The following TXNRD1 variants were observed in gnomAD, a reference collection of about 807,000 sequenced individuals.
The protein encoded by TXNRD1 is thioredoxin reductase 1, cytoplasmic.
Under a neutral mutation model 80.3 loss-of-function variants are expected in TXNRD1, and 57 were observed. The observed-to-expected ratio is 0.71, with a 90% CI of 0.57 to 0.89. The LOEUF (loss-of-function observed/expected upper bound fraction) is 0.89. Ranked by LOEUF, TXNRD1 falls within the 40% of genes least tolerant of loss-of-function variation. The pLI is 0.00. For synonymous variants in TXNRD1, 291 were observed against 285.2 expected, an observed-to-expected ratio of 1.02 and a Z score of -0.20; for missense variants, 730 against 803.0, an observed-to-expected ratio of 0.91 and a Z score of 1.10.
chr12:104,307,396 G>T (rs2034961900), intron 4 of TXNRD1, among the ~76,000 whole-genome samples: 1 of 152,180 alleles, frequency 6.6e-6, no homozygotes. Flanking sequence ...AGCACTTCTT[G>T]ACTTAGTTCC....
intron 14 of TXNRD1, among the ~76,000 whole-genome samples, chr12:104,333,396 G>A (rs1423210085): frequency 6.6e-6 from 1 of 152,152 alleles, no homozygotes; most frequent in African/African-American, 2.4e-5. Flanking sequence ...GTAAGGGAAA[G>A]AGGAAACAAT....
rs902673809 is a variant in TXNRD1 at position 104,349,177 on chromosome 12, T to C, written c.*756T>C. The stretch of plus-strand genomic sequence containing the variant: ...TGGTAGTATAGTATGATTCTCACCA[T>C]TATTTGTCATGGAGGCAGACATACA... On this transcript the variant is annotated 3_prime_UTR_variant, in exon 17 of 17. Transcript: ENST00000525566. 5 of 152,254 alleles carry C rather than the reference T, an allele frequency of 3.3e-5. No homozygotes were observed. The highest frequency in any genetic ancestry group is 1.2e-4 in the African/African-American group (5 of 41,472). The allele number at this position is 152,254 out of a possible 1,614,324, so 9.4% of individuals were successfully genotyped here. A position where few individuals can be genotyped will look rare whatever the true frequency, so the allele number is the denominator to read the frequency against.
At position 104,285,649 on chromosome 12, in the gene TXNRD1, T is replaced by C. The variant is rs566780269; in HGVS notation, c.305-3282T>C. On this transcript the variant is annotated intron_variant, in intron 3 of 16. Coordinates refer to ENST00000525566, the MANE Select transcript of TXNRD1 (RefSeq NM_001093771.3). ...TAAGTCATGCTTTTGAAATAAGGTG[T>C]ATTTTCAATATATTTCTAAGAATGA... Among the ~76,000 whole-genome samples, 17 of 152,360 alleles carry C rather than the reference T, an allele frequency of 1.1e-4. No individual in the cohort carries two copies. In the South Asian group the frequency reaches 3.3e-3, roughly 30 times the overall value.
chr12:104,254,017 T>G (rs2033186197), intron 2 of TXNRD1, among the ~76,000 whole-genome samples: 2 of 152,148 alleles, frequency 1.3e-5, no homozygotes, highest in African/African-American at 4.8e-5. Context: ...GTTCTGAAAT[T>G]ACGTGCTTGT....
chr12:104,255,692 C>T (rs1167699845), intron 2 of TXNRD1, among the ~76,000 whole-genome samples: 1 of 152,122 alleles, frequency 6.6e-6, no homozygotes, highest in African/African-American at 2.4e-5. Flanking sequence ...ACTAGGGAGG[C>T]TGAGGCAGGA....
chr12:104,271,304 G>C (rs1250098143), intron 3 of TXNRD1, among the ~76,000 whole-genome samples: 2 of 150,486 alleles, frequency 1.3e-5, no homozygotes, highest in Admixed American at 6.7e-5. Context: ...TCCTGCCTCA[G>C]CCTCCTGAGT....
In TXNRD1 at chr12:104,328,969, T is replaced by C. The variant is rs11111997; in HGVS notation, c.1542+1298T>C. The stretch of plus-strand genomic sequence containing the variant: ...ACATTAGTTGTAAAGAATTTTGGCA[T>C]TACCCATTTTCCTTACATTGGTTTC... On this transcript the variant is annotated intron_variant, in intron 13 of 16. Transcript: ENST00000525566. Among the ~76,000 whole-genome samples, 1,261 of 152,312 alleles carry C rather than the reference T, an allele frequency of 8.3e-3. 61 individuals carry two copies. In the East Asian group the frequency reaches 0.15, roughly 18 times the overall value.
chr12:104,245,183 A>AT (rs113947040), intron 1 of TXNRD1, among the ~76,000 whole-genome samples: 7,353 of 149,004 alleles, frequency 0.049, 474 homozygotes, highest in African/African-American at 0.15. Context: ...ATTATTTTAG[A>AT]TTTTTTTTTT....
chr12:104,248,162 T>C (rs1334597493), intron 1 of TXNRD1, among the ~76,000 whole-genome samples: 1 of 152,238 alleles, frequency 6.6e-6, no homozygotes, highest in Non-Finnish European at 1.5e-5. Context: ...GTTGCTTTAG[T>C]CCAATAGTTC....
At chr12:104,268,859 C>A (rs1453973747) in intron 3 of TXNRD1, among the ~76,000 whole-genome samples, 1 of 151,946 alleles carries the variant, frequency 6.6e-6, no homozygotes, top group Non-Finnish European at 1.5e-5. Flanking sequence ...TCCTCTCAAA[C>A]CCTGCCACTG....
Position 104,345,941 on chromosome 12 carries a change from A to AT in TXNRD1, c.1882-2406dup, listed in dbSNP as rs34090276. 1.6e-5 allele frequency: 21 copies of AT among 1,287,666 alleles called. No individual in the cohort carries two copies. The East Asian group carries it at 4.4e-4, about 27-fold the overall frequency. 79.8% of individuals were successfully genotyped at this position (1,287,666 alleles called of 1,614,324 possible). On this transcript the variant is annotated intron_variant, in intron 16 of 16. Transcript: ENST00000525566. ...GGCATGGAGGCTGCCCCTTCTGCTC[A>AT]TTTTTTAAAAATACATGTTTTTATA...
intron 1 of TXNRD1, among the ~76,000 whole-genome samples, chr12:104,233,059 T>G (rs1482169924): frequency 6.6e-6 from 1 of 152,174 alleles, no homozygotes; most frequent in Non-Finnish European, 1.5e-5. Flanking sequence ...CATTTCCAAA[T>G]AAGGAAGAGA....
intron 1 of TXNRD1, 133 bp from the exon 2 acceptor site, chr12:104,251,394 T>A: frequency 1.2e-6 from 1 of 859,058 alleles, no homozygotes; most frequent in Non-Finnish European, 1.8e-6. Flanking sequence ...ATTAGAGTCC[T>A]TCCTTCCTCA....
chr12:104,287,182 C>G, intron 3 of TXNRD1: 1 of 1,572,300 alleles, frequency 6.4e-7, no homozygotes, highest in Non-Finnish European at 8.6e-7. Flanking sequence ...GACGGCCTGC[C>G]GGCGGGGACG....
In TXNRD1 at chr12:104,287,076, G is replaced by A. The variant is rs990331066; in HGVS notation, c.305-1855G>A. The stretch of plus-strand genomic sequence containing the variant: ...AGCGAAAGGTGGTCGAGTCCTGAAG[G>A]AGGGCCTGATGTCTTCATCATTCTC... On this transcript the variant is annotated intron_variant, in intron 3 of 16. Transcript: ENST00000525566. The A allele has an allele frequency of 3.5e-6, 5 of 1,426,822 alleles. No homozygotes were observed. The East Asian group carries it at 7.6e-5, about 22-fold the overall frequency. 88.4% of individuals were successfully genotyped at this position (1,426,822 alleles called of 1,614,324 possible).
intron 16 of TXNRD1, among the ~76,000 whole-genome samples, chr12:104,339,744 C>T (rs2036260447): frequency 6.6e-6 from 1 of 152,182 alleles, no homozygotes; most frequent in Non-Finnish European, 1.5e-5. Flanking sequence ...TGTTTCTTCG[C>T]TACCAGTGAT....
chr12:104,334,505 C>T (rs1468411141), intron 15 of TXNRD1, among the ~76,000 whole-genome samples, 173 bp downstream of exon 15: 1 of 152,094 alleles, frequency 6.6e-6, no homozygotes, highest in Non-Finnish European at 1.5e-5. Context: ...GCCTCAGCCT[C>T]CCAACTAACT....
intron 7 of TXNRD1, among the ~76,000 whole-genome samples, chr12:104,317,245 CT>C (rs1360966764): frequency 6.6e-6 from 1 of 152,016 alleles, no homozygotes. Context: ...AGTCCTGAGC[CT>C]TTTGTAGTGG....
rs539925084 is a variant in TXNRD1 at position 104,267,916 on chromosome 12, C to A, written c.304+9837C>A. Among the ~76,000 whole-genome samples the A allele has an allele frequency of 5.4e-5, 8 of 148,856 alleles. No individual in the cohort carries two copies. The South Asian group carries it at 1.7e-3, about 32-fold the overall frequency. ...CCTGGCTGGAGTGCAATGGCGTAAT[C>A]TGGGCTCACTGCAACCTCCATCTCC... On this transcript the variant is annotated intron_variant, in intron 3 of 16. Transcript: ENST00000525566.
Sources: gnomAD v4.1 joint callset for allele counts (sites outside exome capture counted in the v4.1 genomes callset) on GRCh38, gnomAD v4.1.1 for gene constraint, MANE v1.5 for transcripts, NCBI Gene and HGNC (gene_info 2026-07-23, HGNC 2026-07-21) for gene names.